Variants in PRR14L observed in about 807,000 individuals in gnomAD.
PRR14L encodes the protein protein PRR14L.
PRR14L carries 80 observed loss-of-function variants against 155.0 expected under a neutral mutation model. That is an observed-to-expected ratio of 0.52 (90% CI 0.43 to 0.62). The LOEUF is 0.62. Ranked by LOEUF, PRR14L falls within the 20% of genes least tolerant of loss-of-function variation. The pLI, the probability that PRR14L is intolerant of heterozygous loss-of-function variation, is 0.00. For missense variants in PRR14L, 2,469 were observed against 2,548.0 expected (o/e 0.97, Z 0.67); for synonymous variants, 883 against 916.0 (o/e 0.96, Z 0.65).
At position 31,714,422 on chromosome 22, in the gene PRR14L, A is replaced by G; in HGVS notation, c.3417T>C (p.Ser1139=). The change falls in exon 4 of 9, where the codon TCT becomes TCC. Residue 1139 remains serine, a synonymous_variant. Coordinates refer to ENST00000327423, the MANE Select transcript of PRR14L (RefSeq NM_173566.3). ...ACTTTTCCATTTCACAGTCTTTTAAAGATCTGCATACGTTTTCTTCACATG... is the reference window on the plus strand; with the variant it reads ...ACTTTTCCATTTCACAGTCTTTTAAGGATCTGCATACGTTTTCTTCACATG... ...KKSCEENVCR[S]LKDCEMEKCP... is the part of the protein sequence containing the mutation. 1 of 1,551,616 alleles carries G rather than the reference A, an allele frequency of 6.4e-7. No homozygotes were observed. The highest frequency in any genetic ancestry group is 8.7e-7 in the Non-Finnish European group (1 of 1,146,980).
chr22:31,737,728 A>G (rs1477327806), intron 2 of PRR14L, among the ~76,000 whole-genome samples: 1 of 151,978 alleles, frequency 6.6e-6, no homozygotes, highest in Non-Finnish European at 1.5e-5. Context: ...TCAAGCACAC[A>G]TCGGCTGGTC....
At chr22:31,700,768 C>A (rs1319158666) in intron 7 of PRR14L, among the ~76,000 whole-genome samples, 5 of 152,100 alleles carry the variant, frequency 3.3e-5, no homozygotes, top group Non-Finnish European at 7.4e-5. Flanking sequence ...GTTGGTCAGG[C>A]TGGTCTCAAA....
chr22:31,713,244 T>C lies in PRR14L; in HGVS notation c.4595A>G (p.Gln1532Arg), dbSNP rs1439165017. The change falls in exon 4 of 9, where the codon CAG (glutamine) becomes CGG (arginine). Residue 1532 changes from glutamine to arginine, a missense_variant. Physicochemically the swap from Gln to Arg is conservative, Grantham distance 43. This residue lies in a region of PRR14L where 2,363 missense variants were observed against 2,371.6 expected (regional missense o/e 1.00). Transcript: ENST00000327423. ...TTTTCTCCCAACAATGATTTGCTCC[T>C]GATAGGAAACTTTCTTACAAGTTCG... ...PHRTCKKVSY[Q>R]EQIIVGRKIG... 1 of 1,551,992 alleles carries C rather than the reference T, an allele frequency of 6.4e-7. No individual in the cohort carries two copies. The highest frequency in any genetic ancestry group is 8.7e-7 in the Non-Finnish European group (1 of 1,147,098).
chr22:31,693,526 T>A (rs1158401442), intron 7 of PRR14L, among the ~76,000 whole-genome samples: 1 of 152,240 alleles, frequency 6.6e-6, no homozygotes, highest in Non-Finnish European at 1.5e-5. Flanking sequence ...ATAAAGCTGC[T>A]ATGAACATTT....
intron 2 of PRR14L, among the ~76,000 whole-genome samples, chr22:31,727,527 G>A (rs2074723299): frequency 6.6e-6 from 1 of 151,908 alleles, no homozygotes; most frequent in African/African-American, 2.4e-5. Context: ...GAGCCACCAT[G>A]CGCGGCTGAT....
At chr22:31,733,136 C>T (rs959194667) in intron 2 of PRR14L, among the ~76,000 whole-genome samples, 7 of 151,556 alleles carry the variant, frequency 4.6e-5, no homozygotes, top group African/African-American at 1.2e-4. Flanking sequence ...TACAGGCGAC[C>T]GCCACACGCC....
At chr22:31,733,150 C>T (rs1278230014) in intron 2 of PRR14L, among the ~76,000 whole-genome samples, 2 of 151,822 alleles carry the variant, frequency 1.3e-5, no homozygotes, top group Admixed American at 1.3e-4. Context: ...ACACGCCCGG[C>T]TAATTTTTTG....
chr22:31,725,457 T>G (rs554342078), intron 3 of PRR14L, 81 bp downstream of exon 3: 2 of 919,740 alleles, frequency 2.2e-6, no homozygotes, highest in South Asian at 2.8e-5. Flanking sequence ...AACCCTTATA[T>G]TCTCAATGCA....
chr22:31,726,275 C>T (rs544175051), intron 2 of PRR14L, among the ~76,000 whole-genome samples: 11 of 152,022 alleles, frequency 7.2e-5, no homozygotes, highest in African/African-American at 2.2e-4. Context: ...GGATTACAGG[C>T]GCCCACCACT....
chr22:31,729,312 C>T (rs1012579153), intron 2 of PRR14L, among the ~76,000 whole-genome samples: 6 of 152,162 alleles, frequency 3.9e-5, no homozygotes. Context: ...CCCGGGTTCA[C>T]GCCATTCTCC....
In PRR14L at chr22:31,703,701, G is replaced by A; in HGVS notation, c.5849C>T (p.Ala1950Val). 2 of 1,595,934 alleles carry A rather than the reference G, an allele frequency of 1.3e-6. No homozygotes were observed. Among genetic ancestry groups the A allele is most frequent in the Non-Finnish European group, 1.7e-6 (2 of 1,170,048 alleles). ...TACCAAGCAAGACTTTGGTACCAAG[G>A]CAGGGAATGGAGGCTCCAGCCTAGC... ...SQTRLEPPFP[A>V]LVPKSCLVAE... Residue 1950 changes from alanine (A) to valine (V), a missense_variant, in exon 6 of 9, where the codon GCC (alanine) becomes GTC (valine). Physicochemically the swap from Ala to Val is moderately conservative, Grantham distance 64. Transcript: ENST00000327423.
At chr22:31,726,802 C>T (rs577521923) in intron 2 of PRR14L, among the ~76,000 whole-genome samples, 2 of 151,620 alleles carry the variant, frequency 1.3e-5, no homozygotes, top group South Asian at 4.2e-4. Context: ...TGAAAGAATA[C>T]ATGGAAACCA....
At position 31,713,643 on chromosome 22, in the gene PRR14L, A is replaced by C. The variant is rs1448791899; in HGVS notation, c.4196T>G (p.Leu1399Trp). 6 of 1,551,872 alleles carry C rather than the reference A, an allele frequency of 3.9e-6. No individual in the cohort carries two copies. In the African/African-American group the frequency reaches 6.8e-5, roughly 18 times the overall value. The change falls in exon 4 of 9, where the codon TTG (leucine) becomes TGG (tryptophan). Residue 1399 changes from leucine to tryptophan, a missense_variant. Leu to Trp is a moderately conservative substitution (Grantham distance 61, BLOSUM62 -2). Around this residue, in one of 2 missense-constraint regions of PRR14L, gnomAD observed 2,363 missense variants for 2,371.6 expected, o/e 1.00. Coordinates refer to ENST00000327423, the MANE Select transcript of PRR14L (RefSeq NM_173566.3). ...QQSPEVLDYM[L>W]QKEEKYIRQQ... ...ACGTATATATTTCTCTTCTTTCTGC[A>C]ACATGTAGTCCAAAACCTCAGGGCT...
rs1170592822 is a variant in PRR14L, at chr22:31,738,827, G to C, written c.34C>G (p.Pro12Ala). 1.3e-6 allele frequency: 2 copies of C among 1,545,810 alleles called. No homozygotes were observed. The highest frequency in any genetic ancestry group is 1.7e-6 in the Non-Finnish European group (2 of 1,147,008). ...ACGGCAGACATGGAGGAATCAAGTG[G>C]AACTGGCTGAGTCTCTACTCCAGAT... ...LSSGVETQPV[P>A]LDSSMSAVVQ... The change falls in exon 2 of 9, where the codon CCA (proline) becomes GCA (alanine). Residue 12 changes from proline to alanine, a missense_variant. This residue lies in a region of PRR14L where 2,363 missense variants were observed against 2,371.6 expected (regional missense o/e 1.00). Transcript: ENST00000327423.
intron 3 of PRR14L, 64 bp from the exon 4 acceptor site, chr22:31,717,355 T>G: frequency 7.7e-7 from 1 of 1,296,490 alleles, no homozygotes; most frequent in Non-Finnish European, 1.0e-6. Context: ...TCTACCTTCA[T>G]GCATTTTATT....
intron 1 of PRR14L, among the ~76,000 whole-genome samples, chr22:31,740,858 T>C (rs765703625): frequency 6.6e-6 from 1 of 152,140 alleles, no homozygotes; most frequent in Non-Finnish European, 1.5e-5. Context: ...TCCAAAAGAT[T>C]AGGCTGGGCG....
intron 3 of PRR14L, among the ~76,000 whole-genome samples, chr22:31,718,314 G>A (rs1200336242): frequency 6.6e-6 from 1 of 150,618 alleles, no homozygotes; most frequent in African/African-American, 2.4e-5. Flanking sequence ...GGAGTGCAGT[G>A]GCGCAATCTC....
chr22:31,709,543 T>G (rs1336427402), intron 4 of PRR14L, among the ~76,000 whole-genome samples: 3 of 139,924 alleles, frequency 2.1e-5, no homozygotes, highest in East Asian at 4.1e-4. Flanking sequence ...GTTTTTTTTT[T>G]TTTTTTTTTT....
chr22:31,690,948 A>AT (rs913078136), intron 7 of PRR14L, among the ~76,000 whole-genome samples: 9 of 133,964 alleles, frequency 6.7e-5, no homozygotes, highest in South Asian at 2.4e-4. Context: ...CCTCCAGCTA[A>AT]TTTTTTTTTC....
Sources: allele counts gnomAD v4.1 joint callset (sites outside exome capture counted in the v4.1 genomes callset), GRCh38; gene constraint gnomAD v4.1.1; regional missense constraint gnomAD v4.1.1; transcripts MANE v1.5; gene names NCBI Gene and HGNC (gene_info 2026-07-23, HGNC 2026-07-21).